The following KRT86 variants were observed in gnomAD, a reference collection of about 807,000 sequenced individuals.
KRT86 encodes keratin, type II cuticular Hb6.
KRT86 carries 30 observed loss-of-function variants against 41.2 expected under a neutral mutation model. The observed-to-expected ratio is 0.73, with a 90% CI of 0.54 to 0.99. The LOEUF (loss-of-function observed/expected upper bound fraction) is 0.99. KRT86 is among the 50% of genes least tolerant of loss of function. The pLI is 0.00. For synonymous variants in KRT86, 238 were observed against 238.1 expected (o/e 1.00, Z 0.00); for missense variants, 561 against 571.4 (o/e 0.98, Z 0.19).
intron 2 of KRT86, chr12:52,286,707 T>A: frequency 6.9e-7 from 1 of 1,447,480 alleles, no homozygotes; most frequent in East Asian, 2.3e-5. Context: ...TTATATTCAA[T>A]CTCAGTAACA....
intron 2 of KRT86, among the ~76,000 whole-genome samples, chr12:52,300,770 G>C (rs1039254870): frequency 1.3e-5 from 2 of 152,226 alleles, no homozygotes; most frequent in Admixed American, 6.5e-5. Context: ...TCCTCATGTG[G>C]CTCTATTTGA....
intron 2 of KRT86, among the ~76,000 whole-genome samples, chr12:52,294,887 G>T (rs1171047096): frequency 6.6e-6 from 1 of 152,132 alleles, no homozygotes; most frequent in African/African-American, 2.4e-5. Flanking sequence ...GACTCATGTT[G>T]CATGGATCCT....
intron 2 of KRT86, among the ~76,000 whole-genome samples, chr12:52,298,545 C>A (rs1938301281): frequency 6.6e-6 from 1 of 152,328 alleles, no homozygotes; most frequent in African/African-American, 2.4e-5. Flanking sequence ...TATGATTACA[C>A]ACTTAGAGTG....
rs1938571247 is a variant in KRT86 at position 52,308,530 on chromosome 12, C to T, written c.1406C>T (p.Ala469Val). ...AACGTGGTGGTGGGCACTACTAACG[C>T]CTGCGCCCCCTCCGCCCGGGTTGGC... ...NSNVVVGTTNACAPSARVGVC... is the reference protein window; with the variant it reads ...NSNVVVGTTNVCAPSARVGVC... Residue 469 changes from alanine (A) to valine (V), a missense_variant, in exon 11 of 11, where the codon GCC becomes GTC. Coordinates refer to ENST00000423955, the MANE Select transcript of KRT86 (RefSeq NM_001320198.2). The T allele has an allele frequency of 6.2e-7, 1 of 1,603,044 alleles. No homozygotes were observed. Among genetic ancestry groups the T allele is most frequent in the South Asian group, 1.1e-5 (1 of 91,086 alleles).
chr12:52,283,072 G>A (rs1413981655), intron 2 of KRT86, among the ~76,000 whole-genome samples: 4 of 152,118 alleles, frequency 2.6e-5, no homozygotes, highest in Non-Finnish European at 5.9e-5. Context: ...TTTCCCTCTA[G>A]CCCCTAATCC....
chr12:52,305,626 C>G, intron 7 of KRT86, 37 bp from the exon 8 acceptor site: 1 of 1,613,964 alleles, frequency 6.2e-7, no homozygotes, highest in Non-Finnish European at 8.5e-7. Context: ...GTGGGAGGTC[C>G]CACCCTGAAC....
Position 52,308,225 on chromosome 12 carries a change from C to A in KRT86, c.1248-8C>A, listed in dbSNP as rs756923081. ...GCGGCACTGACCTCTCGCCTTCTCT[C>A]CCTGCAGGCTGTGCGAGGGCGTCGG... On this transcript the variant is annotated splice_polypyrimidine_tract_variant and splice_region_variant and intron_variant, in intron 9 of 10. Transcript: ENST00000423955. 5.6e-6 allele frequency: 9 copies of A among 1,614,224 alleles called. No homozygotes were observed. Among genetic ancestry groups the A allele is most frequent in the South Asian group, 1.1e-5 (1 of 91,090 alleles).
At chr12:52,307,955 T>G (rs565232225) in intron 9 of KRT86, among the ~76,000 whole-genome samples, 9 of 152,240 alleles carry the variant, frequency 5.9e-5, no homozygotes, top group Non-Finnish European at 1.3e-4. Context: ...GCAAGAGATC[T>G]ACGAAGTAGG....
rs1239206562 is a variant in KRT86, at chr12:52,302,169, G to C, written c.253G>C (p.Glu85Gln). The change falls in exon 3 of 11, where the codon GAG becomes CAG. Residue 85 changes from glutamate (E) to glutamine (Q), a missense_variant. Coordinates refer to ENST00000423955, the MANE Select transcript of KRT86 (RefSeq NM_001320198.2). ...ATGCATCACCACCGTGTCGGTCAACGAGAGCCTCCTCACGCCCCTCAACCT... is the reference window on the plus strand; with the variant it reads ...ATGCATCACCACCGTGTCGGTCAACCAGAGCCTCCTCACGCCCCTCAACCT... ...PPCITTVSVN[E>Q]SLLTPLNLEI... is the part of the protein sequence containing the mutation. The C allele has an allele frequency of 1.4e-6, 2 of 1,443,644 alleles. No homozygotes were observed. Among genetic ancestry groups the C allele is most frequent in the East Asian group, 2.5e-5 (1 of 40,286 alleles). The allele number at this position is 1,443,644 out of a possible 1,614,324, so 89.4% of individuals were successfully genotyped here. A position where few individuals can be genotyped will look rare whatever the true frequency, so the allele number is the denominator to read the frequency against.
intron 9 of KRT86, chr12:52,307,088 G>C (rs1938536371): frequency 6.6e-6 from 1 of 152,280 alleles, no homozygotes; most frequent in South Asian, 2.1e-4. Context: ...CCTGGGGAGA[G>C]GAGGGTGAAG....
At chr12:52,304,460 GCC>G (rs1464645290) in intron 5 of KRT86, among the ~76,000 whole-genome samples, 53 of 147,380 alleles carry the variant, frequency 3.6e-4, no homozygotes, top group African/African-American at 1.3e-3. Flanking sequence ...GGCCCCTGGA[GCC>G]ATAGCAGATA....
intron 2 of KRT86, chr12:52,286,887 G>C: frequency 6.3e-7 from 1 of 1,588,992 alleles, no homozygotes; most frequent in South Asian, 1.1e-5. Context: ...AAGCTCCCCA[G>C]TTCATAGGGT....
chr12:52,291,161 A>G, intron 2 of KRT86: 2 of 1,135,756 alleles, frequency 1.8e-6, no homozygotes, highest in Non-Finnish European at 2.4e-6. Flanking sequence ...CTCCTGCTTC[A>G]CGCACTGCGC....
intron 2 of KRT86, chr12:52,287,616 C>G (rs777530755): frequency 6.2e-7 from 1 of 1,613,970 alleles, no homozygotes. Context: ...GCATTCTCCA[C>G]CTCGGCCGTC....
Position 52,301,899 on chromosome 12 carries a change from T to C in KRT86, c.-4-14T>C. Reference sequence around the variant, plus strand: ...ACGTCTCCATCCTCAGAACCTCCTCTCTTCCCCAAAAAGCACCATGACTTG... The same window carrying C: ...ACGTCTCCATCCTCAGAACCTCCTCCCTTCCCCAAAAAGCACCATGACTTG... On this transcript the variant is annotated splice_polypyrimidine_tract_variant and intron_variant, in intron 2 of 10. Transcript: ENST00000423955. 1 of 1,613,784 alleles carries C rather than the reference T, an allele frequency of 6.2e-7. No individual in the cohort carries two copies. The highest frequency in any genetic ancestry group is 8.5e-7 in the Non-Finnish European group (1 of 1,179,744).
intron 2 of KRT86, among the ~76,000 whole-genome samples, chr12:52,278,095 T>TG (rs1239601273): frequency 6.6e-6 from 1 of 151,798 alleles, no homozygotes; most frequent in Non-Finnish European, 1.5e-5. Context: ...CTGGGGAAGG[T>TG]GGGGTTACAT....
intron 2 of KRT86, among the ~76,000 whole-genome samples, chr12:52,278,394 C>G (rs1937686394): frequency 6.6e-6 from 1 of 151,408 alleles, no homozygotes; most frequent in African/African-American, 2.4e-5. Flanking sequence ...AATGTTCCCT[C>G]ACGGTCTCAC....
intron 2 of KRT86, chr12:52,286,881 T>G: frequency 1.3e-6 from 2 of 1,598,746 alleles, no homozygotes; most frequent in Middle Eastern, 1.7e-4. Flanking sequence ...CTGAAAAAGC[T>G]CCCCAGTTCA....
At position 52,288,128 on chromosome 12, in the gene KRT86, C is replaced by G. The variant is rs551734514; in HGVS notation, c.-5+12182C>G. 4.2e-4 allele frequency: 678 copies of G among 1,613,728 alleles called. 6 individuals carry two copies. The highest frequency in any genetic ancestry group is 1.5e-3 in the South Asian group (133 of 91,036). On this transcript the variant is annotated intron_variant, in intron 2 of 10. Transcript: ENST00000423955. ...CAACCACGGAGGTGTCTGAGATGTG[C>G]GACTGGAGAATGAGGATCTCCTGCA...
Sources: allele counts gnomAD v4.1 joint callset (sites outside exome capture counted in the v4.1 genomes callset), GRCh38; gene constraint gnomAD v4.1.1; transcripts MANE v1.5; gene names NCBI Gene and HGNC (gene_info 2026-07-23, HGNC 2026-07-21).